FBXL20: variants seen among roughly 807,000 people sequenced by gnomAD.
The protein encoded by FBXL20 is F-box/LRR-repeat protein 20.
In FBXL20, 11 loss-of-function variants were observed where a neutral mutation model predicts 64.0. The observed-to-expected ratio is 0.17, with a 90% confidence interval of 0.11 to 0.28. FBXL20 has a LOEUF of 0.28. Ranked by LOEUF, FBXL20 falls within the 10% of genes least tolerant of loss-of-function variation. FBXL20 has a pLI of 1.00. For missense variants in FBXL20, 303 were observed against 526.2 expected (o/e 0.58, Z 4.15); for synonymous variants, 184 against 189.0 (o/e 0.97, Z 0.22).
At chr17:39,312,326 A>C (rs2047242302) in intron 2 of FBXL20, among the ~76,000 whole-genome samples, 1 of 151,470 alleles carries the variant, frequency 6.6e-6, no homozygotes, top group African/African-American at 2.4e-5. Context: ...AGGCAGGAGA[A>C]TCGCTTGAAC....
At chr17:39,378,025 C>A (rs911358908) in intron 1 of FBXL20, among the ~76,000 whole-genome samples, 1 of 151,870 alleles carries the variant, frequency 6.6e-6, no homozygotes, top group African/African-American at 2.4e-5. Flanking sequence ...CCACCTACCG[C>A]CCCCCAACCA....
intron 2 of FBXL20, among the ~76,000 whole-genome samples, chr17:39,327,078 G>A (rs1597799563): frequency 1.3e-5 from 2 of 152,074 alleles, no homozygotes; most frequent in East Asian, 1.9e-4. Flanking sequence ...TAGAGACAAC[G>A]TTTCACTATG....
At position 39,314,371 on chromosome 17, in the gene FBXL20, G is replaced by A. The variant is rs186854149; in HGVS notation, c.105-10732C>T. On this transcript the variant is annotated intron_variant, in intron 2 of 14. Coordinates refer to ENST00000264658, the MANE Select transcript of FBXL20 (RefSeq NM_032875.3). The stretch of plus-strand genomic sequence containing the variant: ...TTATGCTTTTTGTTTTTTCAGAGAC[G>A]AGTCTCACTCTGTCACCCAGGCTGT... 5.3e-5 allele frequency among the ~76,000 whole-genome samples: 8 copies of A among 152,064 alleles called. No individual in the cohort carries two copies. The East Asian group carries it at 5.8e-4, about 11-fold the overall frequency.
intron 1 of FBXL20, among the ~76,000 whole-genome samples, chr17:39,394,646 C>A (rs1220643706): frequency 6.6e-6 from 1 of 151,464 alleles, no homozygotes; most frequent in African/African-American, 2.4e-5. Context: ...CTCACTGCAA[C>A]CTTCGCCTCC....
In FBXL20 at chr17:39,332,296, C is replaced by T. The variant is rs145632172; in HGVS notation, c.104+10884G>A. 6.3e-3 allele frequency among the ~76,000 whole-genome samples: 955 copies of T among 152,280 alleles called. 16 individuals are homozygous for T. Among genetic ancestry groups the T allele is most frequent in the African/African-American group, 0.022 (913 of 41,546 alleles). ...CCTAAGAATGCTATCTTTAGAAATG[C>T]CTGCTTGCAAGGTTAGCCCCTGAAT... On this transcript the variant is annotated intron_variant, in intron 2 of 14. Transcript: ENST00000264658.
rs527462218 is a variant in FBXL20 at position 39,317,451 on chromosome 17, T to C, written c.105-13812A>G. On this transcript the variant is annotated intron_variant, in intron 2 of 14. Coordinates refer to ENST00000264658, the MANE Select transcript of FBXL20 (RefSeq NM_032875.3). ...TTCACCATGTTGGCCAGGCTGGTCT[T>C]GAACTTCTTACCACGTGATCCGACC... is the stretch of plus-strand genomic sequence containing the variant. Among the ~76,000 whole-genome samples the C allele has an allele frequency of 1.8e-3, 279 of 152,202 alleles. 2 individuals are homozygous for C. Among genetic ancestry groups the C allele is most frequent in the African/African-American group, 6.4e-3 (267 of 41,562 alleles).
chr17:39,270,760 G>C, intron 11 of FBXL20, 36 bp downstream of exon 11: 4 of 1,549,760 alleles, frequency 2.6e-6, no homozygotes, highest in Non-Finnish European at 3.5e-6. Context: ...TAAAACCTAT[G>C]GAAACAAACC....
upstream of FBXL20, chr17:39,401,719 C>CGGGAGG (rs987173311): frequency 3.2e-5 from 21 of 646,506 alleles, no homozygotes; most frequent in Middle Eastern, 7.3e-4. Context: ...TCGGAGCGCC[C>CGGGAGG]GGGAGGGGGA....
At chr17:39,380,608 C>G (rs1339931602) in intron 1 of FBXL20, among the ~76,000 whole-genome samples, 1 of 152,178 alleles carries the variant, frequency 6.6e-6, no homozygotes, top group Non-Finnish European at 1.5e-5. Flanking sequence ...TCCCTTCCCC[C>G]CTTTCCTGCC....
intron 1 of FBXL20, among the ~76,000 whole-genome samples, chr17:39,397,871 AG>A (rs751593111): frequency 8.6e-5 from 13 of 151,608 alleles, no homozygotes; most frequent in East Asian, 5.8e-4. Context: ...AAAAAAATGC[AG>A]ATTGGAATCC....
At chr17:39,380,761 A>G (rs1036446817) in intron 1 of FBXL20, among the ~76,000 whole-genome samples, 5 of 152,208 alleles carry the variant, frequency 3.3e-5, no homozygotes, top group Non-Finnish European at 5.9e-5. Flanking sequence ...TAAGAACACC[A>G]GGATGTAAAA....
intron 1 of FBXL20, among the ~76,000 whole-genome samples, chr17:39,386,763 C>T (rs943648647): frequency 6.6e-6 from 1 of 152,146 alleles, no homozygotes; most frequent in African/African-American, 2.4e-5. Flanking sequence ...AAATGTGTAT[C>T]CACTTCTAAT....
Position 39,343,256 on chromosome 17 carries a change from T to C in FBXL20, c.43-15A>G. ...TTTGAGAACATCTGCAAAAACAAAATCATAGTGTCAAGTGTTACTTAACAT... is the reference window on the plus strand; with the variant it reads ...TTTGAGAACATCTGCAAAAACAAAACCATAGTGTCAAGTGTTACTTAACAT... On this transcript the variant is annotated splice_polypyrimidine_tract_variant and intron_variant, in intron 1 of 14. Transcript: ENST00000264658. The C allele has an allele frequency of 6.4e-7, 1 of 1,573,776 alleles. No individual in the cohort carries two copies. Among genetic ancestry groups the C allele is most frequent in the Admixed American group, 1.8e-5 (1 of 54,416 alleles).
In FBXL20 at chr17:39,390,547, C is replaced by A. The variant is rs184522069; in HGVS notation, c.42+10814G>T. ...CTGCACTCCAACCTGGGTGACAGAG[C>A]GCAAGACTCCATCTTAAAAAAAAAA... is the stretch of plus-strand genomic sequence containing the variant. On this transcript the variant is annotated intron_variant, in intron 1 of 14. Coordinates refer to ENST00000264658, the MANE Select transcript of FBXL20 (RefSeq NM_032875.3). Among the ~76,000 whole-genome samples, 385 of 150,044 alleles carry A rather than the reference C, an allele frequency of 2.6e-3. 1 individual carries two copies. The highest frequency in any genetic ancestry group is 5.7e-3 in the Admixed American group (86 of 15,004).
chr17:39,362,709 C>T (rs935328186), intron 1 of FBXL20, among the ~76,000 whole-genome samples: 2 of 146,870 alleles, frequency 1.4e-5, no homozygotes, highest in African/African-American at 5.0e-5. Flanking sequence ...ACCTTCATCT[C>T]GGGTTCAAGT....
chr17:39,337,611 G>T (rs1288727965), intron 2 of FBXL20, among the ~76,000 whole-genome samples: 1 of 148,434 alleles, frequency 6.7e-6, no homozygotes, highest in Non-Finnish European at 1.5e-5. Context: ...CCGTCTGGGA[G>T]GTGAGGAGCG....
At chr17:39,268,738 C>G (rs893288900) in intron 12 of FBXL20, 89 bp downstream of exon 12, 76 of 1,149,158 alleles carry the variant, frequency 6.6e-5, no homozygotes, top group Non-Finnish European at 6.1e-5. Flanking sequence ...CAGTATCCTA[C>G]ACTAGGGTAG....
intron 1 of FBXL20, among the ~76,000 whole-genome samples, chr17:39,344,470 G>A (rs1597809657): frequency 6.6e-6 from 1 of 152,086 alleles, no homozygotes; most frequent in Admixed American, 6.6e-5. Flanking sequence ...TCAAGGAGAT[G>A]TTCGGAAATC....
intron 1 of FBXL20, among the ~76,000 whole-genome samples, chr17:39,380,225 C>T (rs1042667093): frequency 2.0e-5 from 3 of 152,098 alleles, no homozygotes; most frequent in Non-Finnish European, 2.9e-5. Flanking sequence ...AATTCAAAAA[C>T]AAATCTATGA....
Sources: allele counts gnomAD v4.1 joint callset (sites outside exome capture counted in the v4.1 genomes callset), GRCh38; gene constraint gnomAD v4.1.1; transcripts MANE v1.5; gene names NCBI Gene and HGNC (gene_info 2026-07-23, HGNC 2026-07-21).